PVT1: variants seen among roughly 807,000 people sequenced by gnomAD.
The protein encoded by PVT1 is Pvt1 oncogene, also known as CXCR4/PVT1 fusion.
At chr8:128,032,395 C>T (rs1012514798) in intron 4 of PVT1, among the ~76,000 whole-genome samples, 7 of 152,142 alleles carry the variant, frequency 4.6e-5, no homozygotes, top group Admixed American at 1.3e-4. Flanking sequence ...TAGGCTGTTC[C>T]GTTGACCTCT....
At chr8:127,915,415 C>T (rs1262711418) in intron 3 of PVT1, among the ~76,000 whole-genome samples, 3 of 151,432 alleles carry the variant, frequency 2.0e-5, no homozygotes, top group South Asian at 2.1e-4. Flanking sequence ...GAGTTTGAGA[C>T]CAGCCTGACC....
intron 2 of PVT1, among the ~76,000 whole-genome samples, chr8:127,840,289 A>G (rs1238192802): frequency 1.3e-5 from 2 of 152,166 alleles, no homozygotes; most frequent in Non-Finnish European, 2.9e-5. Flanking sequence ...TCTCAGGATG[A>G]GTGCTGAGGA....
chr8:127,859,334 T>C (rs1403376985), intron 2 of PVT1, among the ~76,000 whole-genome samples: 1 of 152,080 alleles, frequency 6.6e-6, no homozygotes, highest in African/African-American at 2.4e-5. Context: ...ACAATGTATT[T>C]GGGTGCCCAC....
In PVT1 at chr8:127,897,870, G is replaced by GGAAAGAAA. The variant is rs139029855; in HGVS notation, n.782+6897_782+6904dup. On this transcript the variant is annotated intron_variant and non_coding_transcript_variant, in intron 3 of 10. Transcript: ENST00000651587. ...GAAAAGAAAGACAGGAAGGAAGAAA[G>GGAAAGAAA]GAAAGAAAGAAAGAAAGAAAGAAAG... Among the ~76,000 whole-genome samples the GGAAAGAAA allele has an allele frequency of 2.6e-4, 35 of 132,194 alleles. No homozygotes were observed. In the East Asian group the frequency reaches 7.5e-3, roughly 28 times the overall value. The allele number at this position is 132,194 out of a possible 152,430, so 86.7% of individuals were successfully genotyped here. A position where few individuals can be genotyped will look rare whatever the true frequency, so the allele number is the denominator to read the frequency against.
rs1293320836 is a variant in PVT1 at position 128,003,209 on chromosome 8, GCCTC to G, written n.912+13934_912+13937del. ...GGATTTCACTGTGTTAGACAATCCT[GCCTC>G]CCTCCCTCCCTCCCTTTCTTCCTTC... On this transcript the variant is annotated intron_variant and non_coding_transcript_variant, in intron 4 of 10. Transcript: ENST00000651587. Among the ~76,000 whole-genome samples, 12 of 122,260 alleles carry G rather than the reference GCCTC, an allele frequency of 9.8e-5. No homozygotes were observed. The South Asian group carries it at 1.4e-3, about 14-fold the overall frequency. 80.2% of individuals were successfully genotyped at this position (122,260 alleles called of 152,430 possible).
At chr8:128,024,966 T>C (rs114596290) in intron 4 of PVT1, among the ~76,000 whole-genome samples, 1,686 of 152,360 alleles carry the variant, frequency 0.011, 26 homozygotes, top group African/African-American at 0.039. Context: ...CTCAAAGTGT[T>C]GGGATTACAG....
intron 4 of PVT1, among the ~76,000 whole-genome samples, chr8:128,067,037 G>T (rs1006374000): frequency 6.6e-6 from 1 of 152,050 alleles, no homozygotes; most frequent in East Asian, 1.9e-4. Flanking sequence ...TTTAAATCTG[G>T]CTCTCAGAGG....
intron 4 of PVT1, among the ~76,000 whole-genome samples, chr8:128,005,224 G>A (rs918405751): frequency 6.6e-6 from 1 of 151,740 alleles, no homozygotes. Context: ...CATTTGTATT[G>A]TCTTAGACCA....
chr8:127,978,341 G>A (rs1816844862), intron 3 of PVT1, among the ~76,000 whole-genome samples: 1 of 151,584 alleles, frequency 6.6e-6, no homozygotes, highest in African/African-American at 2.4e-5. Flanking sequence ...ATTTTTTTTT[G>A]TAGAGACAGT....
intron 3 of PVT1, among the ~76,000 whole-genome samples, chr8:127,953,890 C>T (rs990840640): frequency 6.6e-6 from 1 of 152,030 alleles, no homozygotes; most frequent in African/African-American, 2.4e-5. Flanking sequence ...TTTCTCCTTC[C>T]CAGTAGAATC....
intron 3 of PVT1, among the ~76,000 whole-genome samples, chr8:127,931,042 C>G (rs904508624): frequency 6.6e-6 from 1 of 152,138 alleles, no homozygotes. Context: ...GTAGCTGGGA[C>G]TACAGGTGCG....
chr8:127,860,261 G>T (rs907083105), intron 2 of PVT1, among the ~76,000 whole-genome samples: 2 of 152,200 alleles, frequency 1.3e-5, no homozygotes, highest in African/African-American at 4.8e-5. Context: ...GGGCACTGGG[G>T]TGCGGTGTGG....
intron 2 of PVT1, among the ~76,000 whole-genome samples, chr8:127,871,145 G>T (rs1169265672): frequency 1.3e-5 from 2 of 152,150 alleles, no homozygotes; most frequent in African/African-American, 2.4e-5. Flanking sequence ...TCTAAAACAC[G>T]CAATGCAGAG....
At chr8:127,800,024 C>G (rs987747713) in intron 2 of PVT1, among the ~76,000 whole-genome samples, 2 of 152,192 alleles carry the variant, frequency 1.3e-5, no homozygotes, top group Non-Finnish European at 2.9e-5. Context: ...ACTGCCTTTG[C>G]AAGTTACTTC....
intron 4 of PVT1, among the ~76,000 whole-genome samples, chr8:127,989,603 G>A (rs1185006309): frequency 6.6e-6 from 1 of 152,080 alleles, no homozygotes; most frequent in East Asian, 1.9e-4. Context: ...GAAAACATGT[G>A]GAGACAGCCT....
chr8:127,800,639 A>G (rs1320798555), intron 2 of PVT1, among the ~76,000 whole-genome samples: 1 of 151,992 alleles, frequency 6.6e-6, no homozygotes, highest in African/African-American at 2.4e-5. Context: ...GATAGGGCTT[A>G]TCTTCCTAGT....
chr8:128,032,031 T>C (rs1813397399), intron 4 of PVT1, among the ~76,000 whole-genome samples: 1 of 152,204 alleles, frequency 6.6e-6, no homozygotes, highest in Admixed American at 6.5e-5. Flanking sequence ...AGACATCCCT[T>C]CATTTCATGT....
At chr8:127,879,455 G>C (rs1179437810) in intron 2 of PVT1, among the ~76,000 whole-genome samples, 1 of 152,248 alleles carries the variant, frequency 6.6e-6, no homozygotes, top group East Asian at 1.9e-4. Context: ...CTTGAACCCA[G>C]GAGGTGGAGG....
chr8:127,892,658 G>A (rs887934561), intron 3 of PVT1, among the ~76,000 whole-genome samples: 1 of 152,142 alleles, frequency 6.6e-6, no homozygotes, highest in Non-Finnish European at 1.5e-5. Flanking sequence ...GGCCCCTTCA[G>A]CTGAAGACTT....
Sources: gnomAD v4.1 joint callset for allele counts (sites outside exome capture counted in the v4.1 genomes callset) on GRCh38, gnomAD v4.1.1 for gene constraint, MANE v1.5 for transcripts, NCBI Gene and HGNC (gene_info 2026-07-23, HGNC 2026-07-21) for gene names.